Variants in CELSR2 observed in about 807,000 individuals in gnomAD.
The protein encoded by CELSR2 is EGF-like protein 2.
In CELSR2, 81 loss-of-function variants were observed where a neutral mutation model predicts 251.6. That is an observed-to-expected ratio of 0.32 (90% CI 0.27 to 0.39). The LOEUF is 0.39. Ranked by LOEUF, CELSR2 falls within the 10% of genes least tolerant of loss-of-function variation. The pLI is 1.00. For synonymous variants in CELSR2, 1,721 were observed against 1,670.5 expected (o/e 1.03, Z -0.74); for missense variants, 3,365 against 3,947.7 (o/e 0.85, Z 3.96).
rs1231430934 is a variant in CELSR2 at position 109,265,791 on chromosome 1, C to T, written c.5784C>T (p.Pro1928=). ...SPTCLLCDCY[P]TGSLSRVCDP... ...CCTGCCTCTTGTGTGACTGCTACCC[C>T]ACAGGCTCCTTGTCCAGAGTCTGTG... The change falls in exon 14 of 34, where the codon CCC becomes CCT. Residue 1928 remains proline (P), a synonymous_variant. Coordinates refer to ENST00000271332, the MANE Select transcript of CELSR2 (RefSeq NM_001408.3). 7 of 1,614,070 alleles carry T rather than the reference C, an allele frequency of 4.3e-6. No homozygotes were observed. The highest frequency in any genetic ancestry group is 5.9e-6 in the Non-Finnish European group (7 of 1,179,970).
chr1:109,266,185 C>A lies in CELSR2; in HGVS notation c.5992C>A (p.Pro1998Thr), dbSNP rs370838700. 1.2e-5 allele frequency: 20 copies of A among 1,614,010 alleles called. No homozygotes were observed. The highest frequency in any genetic ancestry group is 1.7e-5 in the Non-Finnish European group (20 of 1,180,024). The change falls in exon 15 of 34, where the codon CCC (proline) becomes ACC (threonine). Residue 1998 changes from proline to threonine, a missense_variant. By Grantham distance (38) the Pro-to-Thr change is conservative. Coordinates refer to ENST00000271332, the MANE Select transcript of CELSR2 (RefSeq NM_001408.3). ...RTRFGLPAAA[P>T]CPKGSFGTAV... ...CCGCTTCGGGCTGCCTGCTGCTGCT[C>A]CCTGTCCCAAAGGCTCCTTTGGTAG...
At position 109,271,005 on chromosome 1, in the gene CELSR2, G is replaced by C. The variant is rs1417360657; in HGVS notation, c.7562G>C (p.Trp2521Ser). ...CWLSIYDTLI[W>S]SFAGPVAFAV... is the part of the protein sequence containing the mutation. ...CTCTCCATCTATGACACGCTCATCT[G>C]GAGTTTTGCTGGCCCGGTGGCCTTT... The change falls in exon 25 of 34, where the codon TGG becomes TCG. Residue 2521 changes from tryptophan (W) to serine (S), a missense_variant. Coordinates refer to ENST00000271332, the MANE Select transcript of CELSR2 (RefSeq NM_001408.3). 1 of 1,613,894 alleles carries C rather than the reference G, an allele frequency of 6.2e-7. No individual in the cohort carries two copies. The highest frequency in any genetic ancestry group is 1.7e-5 in the Admixed American group (1 of 60,014).
chr1:109,262,852 C>T lies in CELSR2; in HGVS notation c.4591C>T (p.Leu1531=). 3.1e-6 allele frequency: 5 copies of T among 1,613,714 alleles called. No homozygotes were observed. The highest frequency in any genetic ancestry group is 1.7e-4 in the Middle Eastern group (1 of 6,050). The stretch of plus-strand genomic sequence containing the variant: ...CCTGCTACTAGGCGGGGTGCCTGAC[C>T]TGCCCGAGAGCTTCCCAGTCCGAAT... The part of the protein sequence containing the change: ...GPLLLGGVPD[L]PESFPVRMRQ... The change falls in exon 7 of 34, where the codon CTG becomes TTG. Residue 1531 remains leucine, a synonymous_variant. Transcript: ENST00000271332.
chr1:109,269,351 T>C lies in CELSR2; in HGVS notation c.6812+61T>C. The C allele has an allele frequency of 6.2e-6, 10 of 1,609,724 alleles. No homozygotes were observed. The highest frequency in any genetic ancestry group is 8.5e-6 in the Non-Finnish European group (10 of 1,177,752). ...GGGTCGGGCGGTGAGTGCTGAGGCA[T>C]GGAGGGGGTCGGGGGCGTCTCCCCA... is the stretch of plus-strand genomic sequence containing the variant. On this transcript the variant is annotated intron_variant, in intron 20 of 33. Coordinates refer to ENST00000271332, the MANE Select transcript of CELSR2 (RefSeq NM_001408.3). The surrounding 1 kb of genome is among the most constrained non-coding windows in gnomAD (Gnocchi z 6.4).
At chr1:109,256,956 C>T (rs4076866) in intron 1 of CELSR2, among the ~76,000 whole-genome samples, 2 of 152,234 alleles carry the variant, frequency 1.3e-5, no homozygotes, top group Non-Finnish European at 2.9e-5. Flanking sequence ...CTGCGCCCGG[C>T]CCCCTGCTAT....
Position 109,264,265 on chromosome 1 carries a change from T to C in CELSR2, c.5189T>C (p.Leu1730Pro). 1 of 1,614,000 alleles carries C rather than the reference T, an allele frequency of 6.2e-7. No individual in the cohort carries two copies. Among genetic ancestry groups the C allele is most frequent in the Non-Finnish European group, 8.5e-7 (1 of 1,180,016 alleles). ...DYGQQRAEGN[L>P]GPRLHGLHLS... The stretch of plus-strand genomic sequence containing the variant: ...GGGCAGCAGAGAGCAGAGGGCAACC[T>C]GGGCCCCCGGCTGCATGGTCTGCAC... The change falls in exon 10 of 34, where the codon CTG (leucine) becomes CCG (proline). Residue 1730 changes from leucine (L) to proline (P), a missense_variant. By Grantham distance (98) the Leu-to-Pro change is moderately conservative. Around this residue, in one of 5 missense-constraint regions of CELSR2, gnomAD observed 2,093 missense variants for 2,382.8 expected, o/e 0.88. Transcript: ENST00000271332.
At position 109,268,953 on chromosome 1, in the gene CELSR2, G is replaced by A. The variant is rs978349893; in HGVS notation, c.6576G>A (p.Gly2192=). Residue 2192 remains glycine (G), a synonymous_variant, in exon 19 of 34, where the codon GGG becomes GGA. Transcript: ENST00000271332. ...TGCCCCGCTACGAGGCCCTGCGTGGGGAGCAGCCCCCGGACCTTGAGACAA... is the reference window on the plus strand; with the variant it reads ...TGCCCCGCTACGAGGCCCTGCGTGGAGAGCAGCCCCCGGACCTTGAGACAA... ...AKLPRYEALR[G]EQPPDLETTV... 1 of 1,613,638 alleles carries A rather than the reference G, an allele frequency of 6.2e-7. No individual in the cohort carries two copies. Among genetic ancestry groups the A allele is most frequent in the Admixed American group, 1.7e-5 (1 of 60,002 alleles).
intron 2 of CELSR2, among the ~76,000 whole-genome samples, chr1:109,259,779 G>A (rs995197029): frequency 3.3e-5 from 5 of 152,164 alleles, no homozygotes; most frequent in East Asian, 1.9e-4. Flanking sequence ...CTCCGCCTCC[G>A]CCCAGCTGCT....
rs1656101012 is a variant in CELSR2 at position 109,263,771 on chromosome 1, C to T, written c.4995C>T (p.Thr1665=). 1.2e-6 allele frequency: 2 copies of T among 1,612,910 alleles called. No individual in the cohort carries two copies. Among genetic ancestry groups the T allele is most frequent in the Non-Finnish European group, 1.7e-6 (2 of 1,179,758 alleles). Residue 1665 remains threonine (T), a synonymous_variant, in exon 9 of 34, where the codon ACC becomes ACT. Transcript: ENST00000271332. The stretch of plus-strand genomic sequence containing the variant: ...TCACCAGGGGGCGCAGCACCATCAC[C>T]CTACAGGTGATGCATGGAAGGGCGG... The part of the protein sequence containing the change: ...QAITRGRSTI[T]LQLREGHVML...
rs1358054874 is a variant in CELSR2 at position 109,273,001 on chromosome 1, G to T, written c.8312G>T (p.Arg2771Ile). The T allele has an allele frequency of 6.2e-7, 1 of 1,613,480 alleles. No individual in the cohort carries two copies. The highest frequency in any genetic ancestry group is 2.2e-5 in the East Asian group (1 of 44,878). The change falls in exon 31 of 34, where the codon AGA becomes ATA. Residue 2771 changes from arginine to isoleucine, a missense_variant. Arg to Ile is a moderately conservative substitution (Grantham distance 97). Transcript: ENST00000271332. ...WDSLLGPGAERLPLHSTPKDG... is the reference protein window; with the variant it reads ...WDSLLGPGAEILPLHSTPKDG... ...AGCCTGCTGGGGCCTGGAGCAGAGA[G>T]ACTGCCCCTGCACAGTACTCCCAAG...
chr1:109,274,249 C>CG lies in CELSR2; in HGVS notation c.*200_*201insG, dbSNP rs1656464038. Reference sequence around the variant, plus strand: ...GGCCATCTAGTGCCAACTCCCCCCCCACCATTCCCCTCACTGCACTTTGGA... The same window carrying CG: ...GGCCATCTAGTGCCAACTCCCCCCCCGACCATTCCCCTCACTGCACTTTGGA... On this transcript the variant is annotated 3_prime_UTR_variant, in exon 34 of 34. Transcript: ENST00000271332. 1 of 1,336,532 alleles carries CG rather than the reference C, an allele frequency of 7.5e-7. No individual in the cohort carries two copies. The highest frequency in any genetic ancestry group is 2.7e-4 in the Middle Eastern group (1 of 3,712). 82.8% of individuals were successfully genotyped at this position (1,336,532 alleles called of 1,614,324 possible).
intron 1 of CELSR2, among the ~76,000 whole-genome samples, chr1:109,255,735 C>G (rs1296894747): frequency 6.6e-6 from 1 of 152,222 alleles, no homozygotes; most frequent in Non-Finnish European, 1.5e-5. Flanking sequence ...GCAACGTACT[C>G]CCCACCCCTG....
At chr1:109,267,805 CA>C in intron 16 of CELSR2, 45 bp from the exon 17 acceptor site, 1 of 1,585,840 alleles carries the variant, frequency 6.3e-7, no homozygotes, top group Non-Finnish European at 8.6e-7. Context: ...CCTTTTGCTC[CA>C]GAGTTCCTGC....
rs377757908 is a variant in CELSR2 at position 109,250,114 on chromosome 1, C to CGCT, written c.37_38insTGC (p.Thr12_Pro13insLeu). On this transcript the variant is annotated inframe_insertion, in exon 1 of 34. Transcript: ENST00000271332. This position sits in a 1 kb window ranked among gnomAD's most constrained non-coding sequence, Gnocchi z 4.4. The stretch of plus-strand genomic sequence containing the variant: ...CCGGCCACCGGCGTCCCCCTCCCAA[C>CGCT]GCCGCCGCCGCCGCTGCTGCTGCTG... The CGCT allele has an allele frequency of 4.2e-6, 6 of 1,436,100 alleles. No individual in the cohort carries two copies. The highest frequency in any genetic ancestry group is 4.8e-5 in the African/African-American group (2 of 41,290). The allele number at this position is 1,436,100 out of a possible 1,614,324, so 89.0% of individuals were successfully genotyped here.
rs757611971 is a variant in CELSR2 at position 109,275,461 on chromosome 1, T to C, written c.*1412T>C. 1 of 152,260 alleles carries C rather than the reference T, an allele frequency of 6.6e-6. No homozygotes were observed. The highest frequency in any genetic ancestry group is 1.5e-5 in the Non-Finnish European group (1 of 68,048). The allele number at this position is 152,260 out of a possible 1,614,324, so 9.4% of individuals were successfully genotyped here. A position where few individuals can be genotyped will look rare whatever the true frequency, so the allele number is the denominator to read the frequency against. ...GGAGCAGGTGGCTAGAAAAAGAGGC[T>C]GTGGGCAGGAAAGAAAGGCTCCTGT... On this transcript the variant is annotated 3_prime_UTR_variant, in exon 34 of 34. Transcript: ENST00000271332.
intron 1 of CELSR2, among the ~76,000 whole-genome samples, chr1:109,256,459 C>T (rs1202131581): frequency 6.6e-6 from 1 of 152,158 alleles, no homozygotes; most frequent in Non-Finnish European, 1.5e-5. Context: ...TTTCAGCCTT[C>T]CCGGCTTCAG....
In CELSR2 at chr1:109,270,605, T is replaced by C. The variant is rs1301001035; in HGVS notation, c.7483+5T>C. On this transcript the variant is annotated splice_donor_5th_base_variant and intron_variant, in intron 24 of 33. Coordinates refer to ENST00000271332, the MANE Select transcript of CELSR2 (RefSeq NM_001408.3). ...GCGTGCCTGCCTTCATCACAGGTAC[T>C]CCCACCCATTCCCAGTCTTGGGGTC... The C allele has an allele frequency of 1.9e-6, 3 of 1,612,654 alleles. No individual in the cohort carries two copies. The Admixed American group carries it at 5.0e-5, about 27-fold the overall frequency.
chr1:109,267,592 C>T lies in CELSR2; in HGVS notation c.6058C>T (p.Pro2020Ser). The T allele has an allele frequency of 1.2e-6, 2 of 1,614,160 alleles. No individual in the cohort carries two copies. Among genetic ancestry groups the T allele is most frequent in the Non-Finnish European group, 8.5e-7 (1 of 1,180,000 alleles). The stretch of plus-strand genomic sequence containing the variant: ...TGATGAGCACAGGGGGTGGCTCCCC[C>T]CAAACCTCTTCAACTGCACGTCCAT... ...HCDEHRGWLPPNLFNCTSITF... is the reference protein window; with the variant it reads ...HCDEHRGWLPSNLFNCTSITF... Residue 2020 changes from proline to serine, a missense_variant, in exon 16 of 34, where the codon CCA becomes TCA. Physicochemically the swap from Pro to Ser is moderately conservative, Grantham distance 74. Coordinates refer to ENST00000271332, the MANE Select transcript of CELSR2 (RefSeq NM_001408.3).
intron 25 of CELSR2, 54 bp from the exon 26 acceptor site, chr1:109,271,163 G>C (rs1656361051): frequency 6.4e-7 from 1 of 1,571,308 alleles, no homozygotes; most frequent in Non-Finnish European, 8.8e-7. Flanking sequence ...CCTGTGGGCT[G>C]GGTGGAAGCT....
Sources: allele counts gnomAD v4.1 joint callset (sites outside exome capture counted in the v4.1 genomes callset), GRCh38; gene constraint gnomAD v4.1.1; regional missense constraint gnomAD v4.1.1; non-coding constraint Gnocchi (gnomAD v3.1); transcripts MANE v1.5; gene names NCBI Gene and HGNC (gene_info 2026-07-23, HGNC 2026-07-21).